Variants in DNA2 observed in about 807,000 individuals in gnomAD.
DNA2 encodes DNA replication helicase/nuclease 2, also known as DNA replication ATP-dependent helicase/nuclease DNA2.
In DNA2, 101 loss-of-function variants were observed where a neutral mutation model predicts 119.1. The ratio of observed to expected loss-of-function variants is 0.85; its 90% CI spans 0.72 to 1.00. DNA2 has a LOEUF of 1.00. Ranked by LOEUF, DNA2 falls within the 50% of genes least tolerant of loss-of-function variation. DNA2 has a pLI of 0.00. For synonymous variants in DNA2, 366 were observed against 424.4 expected (o/e 0.86, Z 1.69); for missense variants, 1,121 against 1,255.5 (o/e 0.89, Z 1.62).
chr10:68,443,044 TTTC>T lies in DNA2; in HGVS notation c.1285_1287del (p.Glu429del). The T allele has an allele frequency of 1.3e-6, 2 of 1,598,174 alleles. No individual in the cohort carries two copies. The highest frequency in any genetic ancestry group is 1.7e-6 in the Non-Finnish European group (2 of 1,171,432). ...AAGTGTGTTTGCTTCAGATGCTGGGTTTCTTCTTCTATTTTGGGCAGCATCACA... is the reference window on the plus strand; with the variant it reads ...AAGTGTGTTTGCTTCAGATGCTGGGTTTCTTCTATTTTGGGCAGCATCACA... On this transcript the variant is annotated inframe_deletion, in exon 9 of 21. Transcript: ENST00000358410.
At chr10:68,442,772 G>A in intron 9 of DNA2, 145 bp downstream of exon 9, 1 of 659,654 alleles carries the variant, frequency 1.5e-6, no homozygotes, top group Non-Finnish European at 2.5e-6. Context: ...AGAAACAATA[G>A]AGAGCCATCT....
At chr10:68,423,586 C>G (rs1169532769) in intron 14 of DNA2, among the ~76,000 whole-genome samples, 4 of 152,360 alleles carry the variant, frequency 2.6e-5, no homozygotes, top group African/African-American at 9.6e-5. Context: ...CCCACAACCA[C>G]AGACACCAGC....
chr10:68,421,795 T>C (rs997356613), intron 17 of DNA2, among the ~76,000 whole-genome samples: 1 of 150,306 alleles, frequency 6.7e-6, no homozygotes, highest in Non-Finnish European at 1.5e-5. Flanking sequence ...GGTTGAAGTA[T>C]GAGAAGTACA....
At chr10:68,468,964 C>T (rs1003154405) in intron 2 of DNA2, among the ~76,000 whole-genome samples, 2 of 152,030 alleles carry the variant, frequency 1.3e-5, no homozygotes, top group African/African-American at 4.8e-5. Context: ...GCAGGAGAAT[C>T]GCTTGAACCC....
chr10:68,440,163 G>A (rs2051948535), intron 9 of DNA2, among the ~76,000 whole-genome samples: 1 of 151,984 alleles, frequency 6.6e-6, no homozygotes, highest in African/African-American at 2.4e-5. Context: ...AATTAGCTGG[G>A]TGTGGTGGCA....
chr10:68,422,693 C>G lies in DNA2; in HGVS notation c.2402+4G>C, dbSNP rs915265025. ...TTAAAATTAACACTTAAGTGTCTGC[C>G]TACCTTGCTTCACGGTTTAGCACCA... On this transcript the variant is annotated splice_donor_region_variant and intron_variant, in intron 15 of 20. Transcript: ENST00000358410. 9 of 1,613,424 alleles carry G rather than the reference C, an allele frequency of 5.6e-6. No individual in the cohort carries two copies. Among genetic ancestry groups the G allele is most frequent in the Non-Finnish European group, 7.6e-6 (9 of 1,179,604 alleles).
chr10:68,416,898 G>C, intron 19 of DNA2, 43 bp from the exon 20 acceptor site: 2 of 1,549,936 alleles, frequency 1.3e-6, no homozygotes, highest in South Asian at 2.3e-5. Context: ...TCAAAGGAAT[G>C]GTTAAATATA....
chr10:68,447,433 C>T (rs143986690), intron 6 of DNA2, among the ~76,000 whole-genome samples: 1,530 of 147,872 alleles, frequency 0.01, 15 homozygotes, highest in Middle Eastern at 0.039. Flanking sequence ...AGGAGAATTG[C>T]TTGAACCCGG....
Position 68,422,754 on chromosome 10 carries a change from A to G in DNA2, c.2345T>C (p.Phe782Ser). ...CTGCTGATGGTCCCCCACTAACACA[A>G]ATCTCCGTGAAAAAAAAAGGGGGCC... ...CLGPLFFSRR[F>S]VLVGDHQQLP... The change falls in exon 15 of 21, where the codon TTT (phenylalanine) becomes TCT (serine). Residue 782 changes from phenylalanine to serine, a missense_variant. By Grantham distance (155) the Phe-to-Ser change is radical (BLOSUM62 -2). Transcript: ENST00000358410. 2 of 1,611,558 alleles carry G rather than the reference A, an allele frequency of 1.2e-6. No homozygotes were observed. The highest frequency in any genetic ancestry group is 2.2e-5 in the South Asian group (2 of 90,412).
At position 68,419,039 on chromosome 10, in the gene DNA2, C is replaced by A; in HGVS notation, c.2962G>T (p.Gly988Ter). 1 of 1,595,546 alleles carries A rather than the reference C, an allele frequency of 6.3e-7. No homozygotes were observed. The highest frequency in any genetic ancestry group is 1.1e-5 in the South Asian group (1 of 87,034). ...AGCAAACACAATTAACTCACAGTTC[C>A]ATCCTTATTACTTCTAACAAAAGAT... ...LVSFVRSNKD[G>*]TVGELLKDWR... Residue 988 changes from glycine to a stop codon, truncating the protein, a stop_gained, in exon 19 of 21, where the codon GGA (glycine) becomes TGA (stop). Transcript: ENST00000358410. LOFTEE classifies it high-confidence loss of function.
chr10:68,416,179 A>G (rs576822057), intron 20 of DNA2, among the ~76,000 whole-genome samples: 8 of 152,172 alleles, frequency 5.3e-5, no homozygotes, highest in East Asian at 3.9e-4. Context: ...TTCTTGGGGG[A>G]AAAAAAGGCT....
Position 68,426,329 on chromosome 10 carries a change from G to C in DNA2, c.2209-3439C>G, listed in dbSNP as rs181585730. Reference sequence around the variant, plus strand: ...GAGGTGGGCGGATCACCTGAGGTCAGAAGTTTGAGACCAGCCTGGCCAACA... The same window carrying C: ...GAGGTGGGCGGATCACCTGAGGTCACAAGTTTGAGACCAGCCTGGCCAACA... On this transcript the variant is annotated intron_variant, in intron 14 of 20. Coordinates refer to ENST00000358410, the MANE Select transcript of DNA2 (RefSeq NM_001080449.3). Among the ~76,000 whole-genome samples the C allele has an allele frequency of 3.8e-3, 568 of 150,716 alleles. 8 individuals carry two copies. The highest frequency in any genetic ancestry group is 0.013 in the African/African-American group (537 of 40,958).
intron 8 of DNA2, among the ~76,000 whole-genome samples, chr10:68,444,152 G>A (rs947758285): frequency 3.3e-5 from 5 of 152,024 alleles, no homozygotes; most frequent in African/African-American, 4.8e-5. Flanking sequence ...AGCACTTTGG[G>A]AGGCCGAGGT....
intron 14 of DNA2, among the ~76,000 whole-genome samples, chr10:68,423,703 A>G (rs1408628592): frequency 1.3e-5 from 2 of 152,232 alleles, no homozygotes; most frequent in East Asian, 1.9e-4. Context: ...CAGGTCTTTC[A>G]TCCCCGATGA....
In DNA2 at chr10:68,422,621, T is replaced by G; in HGVS notation, c.2403-17A>C. The G allele has an allele frequency of 6.2e-7, 1 of 1,613,786 alleles. No individual in the cohort carries two copies. Among genetic ancestry groups the G allele is most frequent in the Non-Finnish European group, 8.5e-7 (1 of 1,179,664 alleles). On this transcript the variant is annotated splice_polypyrimidine_tract_variant and intron_variant, in intron 15 of 20. Transcript: ENST00000358410. ...CCAAGAGCTCTGTCAATAAATCAGA[T>G]TCATGTTTATCAGTGTACTAAATCT...
intron 2 of DNA2, among the ~76,000 whole-genome samples, chr10:68,469,598 G>C (rs770567606): frequency 6.6e-6 from 1 of 152,036 alleles, no homozygotes; most frequent in Non-Finnish European, 1.5e-5. Context: ...GAGTACCTGG[G>C]ATTACAGGCA....
intron 14 of DNA2, chr10:68,424,503 C>CAA (rs60968180): frequency 0.016 from 7,336 of 466,784 alleles, 1 homozygote; most frequent in Middle Eastern, 0.024. Context: ...GTCACTGTCT[C>CAA]AAAAAAAAAA....
rs2052314147 is a variant in DNA2 at position 68,465,276 on chromosome 10, C to T, written c.587+391G>A. Among the ~76,000 whole-genome samples the T allele has an allele frequency of 2.0e-5, 3 of 152,076 alleles. No homozygotes were observed. The South Asian group carries it at 6.2e-4, about 32-fold the overall frequency. ...TTCTGATCCGCCCACCTCGGCCTCC[C>T]AAAGTGCTGGGATTACAGGCGTGAG... On this transcript the variant is annotated intron_variant, in intron 4 of 20. Coordinates refer to ENST00000358410, the MANE Select transcript of DNA2 (RefSeq NM_001080449.3).
chr10:68,445,933 C>G (rs1392385501), intron 7 of DNA2, among the ~76,000 whole-genome samples: 1 of 152,088 alleles, frequency 6.6e-6, no homozygotes, highest in Non-Finnish European at 1.5e-5. Context: ...TCAAGACCAG[C>G]CTGGCCAACA....
Sources: gnomAD v4.1 joint callset for allele counts (sites outside exome capture counted in the v4.1 genomes callset) on GRCh38, gnomAD v4.1.1 for gene constraint, MANE v1.5 for transcripts, NCBI Gene and HGNC (gene_info 2026-07-23, HGNC 2026-07-21) for gene names.